TTC28: variants seen among roughly 807,000 people sequenced by gnomAD.
TTC28 encodes tetratricopeptide repeat protein 28.
A neutral mutation model predicts 198.0 loss-of-function variants in TTC28; 61 were observed. The observed-to-expected ratio is 0.31, with a 90% CI of 0.25 to 0.38. TTC28 has a LOEUF of 0.38. Ranked by LOEUF, TTC28 falls within the 10% of genes least tolerant of loss-of-function variation. The probability of loss-of-function intolerance (pLI) is 1.00; values close to 1 mark genes in which losing one functional copy is unlikely to be tolerated. For synonymous variants in TTC28, 1,171 were observed against 1,297.8 expected, an observed-to-expected ratio of 0.90 and a Z score of 2.10; for missense variants, 2,678 against 3,164.0, an observed-to-expected ratio of 0.85 and a Z score of 3.69.
At chr22:28,032,260 T>TAAA (rs1169378060) in intron 12 of TTC28, among the ~76,000 whole-genome samples, 19 of 93,884 alleles carry the variant, frequency 2.0e-4, no homozygotes, top group African/African-American at 5.9e-4. Flanking sequence ...AATATATATA[T>TAAA]ATATATAGTG....
intron 18 of TTC28, chr22:27,993,067 G>A (rs947226685): frequency 2.9e-5 from 17 of 587,676 alleles, no homozygotes; most frequent in Non-Finnish European, 3.6e-5. Flanking sequence ...CCAGTGGGGC[G>A]CAGATGCCTG....
chr22:28,104,203 T>C (rs2146889873), intron 8 of TTC28, among the ~76,000 whole-genome samples: 1 of 152,288 alleles, frequency 6.6e-6, no homozygotes, highest in African/African-American at 2.4e-5. Context: ...TCTGCAACTG[T>C]AAAGTTAGAA....
At chr22:28,031,834 C>CT (rs968885582) in intron 12 of TTC28, among the ~76,000 whole-genome samples, 2 of 152,150 alleles carry the variant, frequency 1.3e-5, no homozygotes, top group Non-Finnish European at 2.9e-5. Context: ...AGCTCGCAGA[C>CT]TGAGTAAAGT....
intron 2 of TTC28, among the ~76,000 whole-genome samples, chr22:28,511,330 A>T (rs894469012): frequency 1.3e-5 from 2 of 152,208 alleles, no homozygotes; most frequent in Admixed American, 1.3e-4. Context: ...ATGGAACAGA[A>T]TACAGAACTC....
intron 2 of TTC28, among the ~76,000 whole-genome samples, chr22:28,576,946 T>C (rs1420517186): frequency 6.6e-6 from 1 of 152,056 alleles, no homozygotes; most frequent in Non-Finnish European, 1.5e-5. Flanking sequence ...TCTTTTGTAT[T>C]ATTTCTTTCA....
At position 28,214,477 on chromosome 22, in the gene TTC28, G is replaced by A. The variant is rs983535961; in HGVS notation, c.934-50878C>T. The stretch of plus-strand genomic sequence containing the variant: ...TCATCAAAAAGTGGGTGAAGGATAT[G>A]AACAGACACATCTCAAAAGAAGACA... On this transcript the variant is annotated intron_variant, in intron 5 of 22. Coordinates refer to ENST00000397906, the MANE Select transcript of TTC28 (RefSeq NM_001145418.2). 1.4e-4 allele frequency among the ~76,000 whole-genome samples: 21 copies of A among 152,280 alleles called. No individual in the cohort carries two copies. In the East Asian group the frequency reaches 4.1e-3, roughly 29 times the overall value.
Position 28,082,506 on chromosome 22 carries a change from C to A in TTC28, c.3932+11574G>T, listed in dbSNP as rs1183125049. ...GCTTTTCTGCATCAACTCAAATGATCATGTGTTTTTTGTCCTTCATTCTGT... is the reference window on the plus strand; with the variant it reads ...GCTTTTCTGCATCAACTCAAATGATAATGTGTTTTTTGTCCTTCATTCTGT... On this transcript the variant is annotated intron_variant, in intron 12 of 22. Transcript: ENST00000397906. 2.6e-5 allele frequency among the ~76,000 whole-genome samples: 4 copies of A among 152,158 alleles called. No homozygotes were observed. The South Asian group carries it at 6.2e-4, about 24-fold the overall frequency.
intron 2 of TTC28, among the ~76,000 whole-genome samples, chr22:28,547,222 G>A (rs1322562441): frequency 6.6e-6 from 1 of 152,102 alleles, no homozygotes; most frequent in East Asian, 1.9e-4. Context: ...GTGAGTGTGT[G>A]TGTGTGTGTG....
At chr22:28,158,041 C>T (rs550873848) in intron 6 of TTC28, among the ~76,000 whole-genome samples, 1 of 151,704 alleles carries the variant, frequency 6.6e-6, no homozygotes, top group South Asian at 2.1e-4. Context: ...AAAAAAAAAC[C>T]ACTAGAACTG....
At chr22:28,182,183 A>G (rs1923762431) in intron 5 of TTC28, among the ~76,000 whole-genome samples, 1 of 152,172 alleles carries the variant, frequency 6.6e-6, no homozygotes. Context: ...ACCTAGCTTC[A>G]TAAGCATTTT....
Position 28,163,363 on chromosome 22 carries a change from C to T in TTC28, c.1170G>A (p.Lys390=), listed in dbSNP as rs867522797. ...HLKIAKDLGN[K]REEARAYSNL... is the part of the protein sequence containing the mutation. ...TGCTATAAGCCCGGGCCTCTTCTCG[C>T]TTGTTCCCCAGGTCCTTGGCTATCT... Residue 390 remains lysine, a synonymous_variant, in exon 6 of 23, where the codon AAG becomes AAA. Transcript: ENST00000397906. 6.4e-6 allele frequency: 10 copies of T among 1,552,078 alleles called. No homozygotes were observed. The Middle Eastern group carries it at 1.5e-3, about 233-fold the overall frequency.
intron 1 of TTC28, among the ~76,000 whole-genome samples, chr22:28,637,714 T>C (rs1041103089): frequency 6.6e-6 from 1 of 151,566 alleles, no homozygotes; most frequent in East Asian, 1.9e-4. Flanking sequence ...AACAGAATGA[T>C]TGAATGGATA....
rs1159174647 is a variant in TTC28 at position 27,982,847 on chromosome 22, A to G, written c.6820T>C (p.Cys2274Arg). 6.5e-7 allele frequency: 1 copy of G among 1,543,464 alleles called. No homozygotes were observed. The highest frequency in any genetic ancestry group is 8.8e-7 in the Non-Finnish European group (1 of 1,142,018). Residue 2274 changes from cysteine to arginine, a missense_variant, in exon 23 of 23, where the codon TGC (cysteine) becomes CGC (arginine). Cys to Arg is a radical substitution (Grantham distance 180, BLOSUM62 -3). Around this residue, in one of 8 missense-constraint regions of TTC28, gnomAD observed 622 missense variants for 656.0 expected, o/e 0.95. Transcript: ENST00000397906. The surrounding 1 kb of genome is among the most constrained non-coding windows in gnomAD (Gnocchi z 5.2). ...SQHSGRPSPG[C>R]DSQTSQLDQP... ...TCCAGCTGGGAAGTCTGTGAGTCGC[A>G]GCCGGGCGATGGCCGGCCACTGTGC...
chr22:28,421,838 G>A (rs572732515), intron 2 of TTC28, among the ~76,000 whole-genome samples: 1 of 151,984 alleles, frequency 6.6e-6, no homozygotes, highest in East Asian at 1.9e-4. Flanking sequence ...GGGAGGCTGA[G>A]GCAGGAGAAT....
chr22:28,041,015 C>T (rs1362054727), intron 12 of TTC28, among the ~76,000 whole-genome samples: 1 of 152,112 alleles, frequency 6.6e-6, no homozygotes, highest in Non-Finnish European at 1.5e-5. Flanking sequence ...CCTAGAAATC[C>T]AACCTACAAG....
At chr22:28,143,727 C>T (rs186416509) in intron 6 of TTC28, among the ~76,000 whole-genome samples, 60 of 152,200 alleles carry the variant, frequency 3.9e-4, no homozygotes, top group South Asian at 8.3e-4. Flanking sequence ...TAGAAGAAAA[C>T]AAAATGCTTT....
intron 2 of TTC28, among the ~76,000 whole-genome samples, chr22:28,614,952 A>G (rs2050877516): frequency 6.6e-6 from 1 of 152,192 alleles, no homozygotes; most frequent in Non-Finnish European, 1.5e-5. Context: ...ATAGGATCTA[A>G]TTAAACTAAA....
intron 12 of TTC28, among the ~76,000 whole-genome samples, chr22:28,038,352 A>G (rs527832952): frequency 6.6e-6 from 1 of 152,376 alleles, no homozygotes; most frequent in South Asian, 2.1e-4. Context: ...CAGAGCCCTC[A>G]GAAATAATGC....
intron 5 of TTC28, among the ~76,000 whole-genome samples, chr22:28,172,543 A>G (rs1228247530): frequency 6.6e-6 from 1 of 152,160 alleles, no homozygotes; most frequent in Non-Finnish European, 1.5e-5. Flanking sequence ...TCATTTCTCT[A>G]AATGCCAGGG....
Sources: gnomAD v4.1 joint callset for allele counts (sites outside exome capture counted in the v4.1 genomes callset) on GRCh38, gnomAD v4.1.1 for gene constraint, gnomAD v4.1.1 regional missense constraint, Gnocchi (gnomAD v3.1) non-coding constraint, MANE v1.5 for transcripts, NCBI Gene and HGNC (gene_info 2026-07-23, HGNC 2026-07-21) for gene names.